Variants in CSMD1 observed in about 807,000 individuals in gnomAD.
The protein encoded by CSMD1 is CUB and Sushi multiple domains 1.
A neutral mutation model predicts 417.5 loss-of-function variants in CSMD1; 213 were observed. The ratio of observed to expected loss-of-function variants is 0.51; its 90% confidence interval spans 0.46 to 0.57. CSMD1 has a LOEUF of 0.57. Ranked by LOEUF, CSMD1 falls within the 20% of genes least tolerant of loss-of-function variation. CSMD1 has a pLI of 0.00. For missense variants in CSMD1, 6,923 were observed against 4,529.7 expected (o/e 1.53, Z -15.17); for synonymous variants, 2,862 against 1,736.8 (o/e 1.65, Z -16.11).
At chr8:3,876,274 T>A (rs1247216216) in intron 5 of CSMD1, among the ~76,000 whole-genome samples, 2 of 152,192 alleles carry the variant, frequency 1.3e-5, no homozygotes, top group Non-Finnish European at 2.9e-5. Context: ...GTTGTTTTAT[T>A]TACCTTAGAA....
At chr8:3,255,084 G>T (rs1308797330) in intron 26 of CSMD1, among the ~76,000 whole-genome samples, 3 of 152,126 alleles carry the variant, frequency 2.0e-5, no homozygotes, top group Non-Finnish European at 2.9e-5. Flanking sequence ...AGTTTTCATT[G>T]TAACAGTCAG....
At chr8:3,979,057 T>A (rs1335327498) in intron 5 of CSMD1, among the ~76,000 whole-genome samples, 2 of 152,228 alleles carry the variant, frequency 1.3e-5, no homozygotes, top group Non-Finnish European at 2.9e-5. Flanking sequence ...AGTTTCCTCC[T>A]TTCCTTCAGA....
At chr8:3,497,749 T>C (rs1220630316) in intron 10 of CSMD1, among the ~76,000 whole-genome samples, 1 of 152,344 alleles carries the variant, frequency 6.6e-6, no homozygotes. Flanking sequence ...AATTATATTG[T>C]CACTTGGTTA....
chr8:3,015,398 T>C (rs1808748586), intron 52 of CSMD1, among the ~76,000 whole-genome samples: 1 of 152,132 alleles, frequency 6.6e-6, no homozygotes, highest in African/African-American at 2.4e-5. Flanking sequence ...ATGATTTGCT[T>C]TTTAAAGTCA....
intron 1 of CSMD1, among the ~76,000 whole-genome samples, chr8:4,869,745 T>C (rs1234193886): frequency 6.6e-6 from 1 of 152,086 alleles, no homozygotes; most frequent in Non-Finnish European, 1.5e-5. Flanking sequence ...TTCCATGGAA[T>C]AGAGCAAAAC....
At chr8:4,888,010 T>C (rs1326468288) in intron 1 of CSMD1, among the ~76,000 whole-genome samples, 5 of 152,106 alleles carry the variant, frequency 3.3e-5, no homozygotes, top group African/African-American at 1.2e-4. Flanking sequence ...TGCCTCTCTC[T>C]CTTTCCCTTC....
At chr8:4,826,340 A>C (rs1478734059) in intron 1 of CSMD1, among the ~76,000 whole-genome samples, 2 of 152,156 alleles carry the variant, frequency 1.3e-5, no homozygotes, top group East Asian at 3.8e-4. Flanking sequence ...CATATAATAC[A>C]TATATAATTA....
chr8:4,396,644 A>C (rs1459019328), intron 3 of CSMD1, among the ~76,000 whole-genome samples: 1 of 148,182 alleles, frequency 6.7e-6, no homozygotes, highest in East Asian at 2.1e-4. Flanking sequence ...CACACACATA[A>C]ATATCTATAT....
intron 1 of CSMD1, among the ~76,000 whole-genome samples, chr8:4,715,294 A>T (rs914359450): frequency 6.6e-6 from 1 of 152,224 alleles, no homozygotes; most frequent in Non-Finnish European, 1.5e-5. Flanking sequence ...CTTAAAGCTA[A>T]TTTGACATGA....
intron 1 of CSMD1, among the ~76,000 whole-genome samples, chr8:4,963,106 G>C (rs1809616036): frequency 6.6e-6 from 1 of 152,150 alleles, no homozygotes; most frequent in Non-Finnish European, 1.5e-5. Context: ...AAGAATATAG[G>C]CTTATTTCCC....
chr8:4,307,207 C>T (rs113014937), intron 3 of CSMD1, among the ~76,000 whole-genome samples: 2 of 152,160 alleles, frequency 1.3e-5, no homozygotes, highest in African/African-American at 2.4e-5. Context: ...TTCTACGGCT[C>T]ATTATTTTTA....
At chr8:3,239,846 C>G (rs1050713936) in intron 26 of CSMD1, among the ~76,000 whole-genome samples, 1 of 151,986 alleles carries the variant, frequency 6.6e-6, no homozygotes, top group African/African-American at 2.4e-5. Flanking sequence ...GAGTTATAGT[C>G]ATAGGGGTCA....
intron 3 of CSMD1, among the ~76,000 whole-genome samples, chr8:4,299,736 T>A (rs758732750): frequency 2.0e-5 from 3 of 152,098 alleles, no homozygotes; most frequent in Non-Finnish European, 2.9e-5. Flanking sequence ...TTTCAAGCGA[T>A]TGTCATGCCT....
At chr8:4,121,888 C>T (rs1802506934) in intron 3 of CSMD1, among the ~76,000 whole-genome samples, 1 of 151,988 alleles carries the variant, frequency 6.6e-6, no homozygotes. Flanking sequence ...ATTAGAATGA[C>T]TCTCAGATAC....
intron 6 of CSMD1, among the ~76,000 whole-genome samples, chr8:3,745,656 G>A (rs540653146): frequency 9.3e-4 from 142 of 152,218 alleles, no homozygotes; most frequent in Non-Finnish European, 1.7e-3. Flanking sequence ...TTTCACAAGG[G>A]GCATGAATCC....
At chr8:3,348,954 C>T (rs1025335216) in intron 21 of CSMD1, among the ~76,000 whole-genome samples, 3 of 152,122 alleles carry the variant, frequency 2.0e-5, no homozygotes, top group Non-Finnish European at 4.4e-5. Flanking sequence ...AAGTCCAATA[C>T]GATCACAGAA....
chr8:4,158,688 C>T (rs1236522737), intron 3 of CSMD1, among the ~76,000 whole-genome samples: 2 of 152,072 alleles, frequency 1.3e-5, no homozygotes, highest in East Asian at 3.9e-4. Flanking sequence ...TATGGGCCAG[C>T]AGCTATTCCT....
intron 3 of CSMD1, among the ~76,000 whole-genome samples, chr8:4,039,685 T>C (rs1797788468): frequency 6.6e-6 from 1 of 152,066 alleles, no homozygotes. Context: ...AATGAGGAAG[T>C]GAGCTGTAAA....
intron 1 of CSMD1, among the ~76,000 whole-genome samples, chr8:4,989,009 G>A (rs181870712): frequency 6.4e-4 from 98 of 152,262 alleles, no homozygotes; most frequent in Non-Finnish European, 8.4e-4. Flanking sequence ...TTAATCAAAG[G>A]TCACTTAAGG....
Sources: gnomAD v4.1 joint callset for allele counts (sites outside exome capture counted in the v4.1 genomes callset) on GRCh38, gnomAD v4.1.1 for gene constraint, MANE v1.5 for transcripts, NCBI Gene and HGNC (gene_info 2026-07-23, HGNC 2026-07-21) for gene names.